Variants in MICU1 observed in about 807,000 individuals in gnomAD.
MICU1 encodes the protein mitochondrial calcium uptake 1, also known as calcium uptake protein 1, mitochondrial.
A neutral mutation model predicts 56.8 loss-of-function variants in MICU1; 45 were observed. The observed-to-expected ratio is 0.79, with a 90% CI of 0.62 to 1.02. The LOEUF is 1.02. Among genes scored for constraint, MICU1 ranks in the 50% least tolerant of loss-of-function variants. The pLI, the probability that MICU1 is intolerant of heterozygous loss-of-function variation, is 0.00. For synonymous variants in MICU1, 186 were observed against 195.1 expected, an observed-to-expected ratio of 0.95 and a Z score of 0.39; for missense variants, 504 against 587.1, an observed-to-expected ratio of 0.86 and a Z score of 1.46.
chr10:72,398,535 T>C (rs906986218), intron 10 of MICU1, among the ~76,000 whole-genome samples: 1 of 151,470 alleles, frequency 6.6e-6, no homozygotes, highest in Non-Finnish European at 1.5e-5. Flanking sequence ...ACAAAATTGA[T>C]AGACAGCTAG....
chr10:72,396,483 C>T (rs1383542918), intron 10 of MICU1, among the ~76,000 whole-genome samples: 1 of 152,190 alleles, frequency 6.6e-6, no homozygotes, highest in Non-Finnish European at 1.5e-5. Context: ...TAATAACAAA[C>T]TTCTCTGAGC....
At chr10:72,514,671 G>A (rs1867591532) in intron 5 of MICU1, among the ~76,000 whole-genome samples, 1 of 152,122 alleles carries the variant, frequency 6.6e-6, no homozygotes, top group African/African-American at 2.4e-5. Flanking sequence ...TTTTCAGACT[G>A]GCTCTGTATT....
At chr10:72,576,983 C>A (rs1840763767) in intron 1 of MICU1, among the ~76,000 whole-genome samples, 1 of 152,158 alleles carries the variant, frequency 6.6e-6, no homozygotes, top group South Asian at 2.1e-4. Context: ...TGTATATACA[C>A]CATGGAATAT....
chr10:72,617,809 G>C lies in MICU1; in HGVS notation c.-2+8201C>G, dbSNP rs1265080172. On this transcript the variant is annotated intron_variant, in intron 1 of 11. Coordinates refer to ENST00000361114, the MANE Select transcript of MICU1 (RefSeq NM_001195518.2). ...GTCACACTACTGCACTCCAGCCTGG[G>C]TGACAGCACGAGACCCCAACTCAAA... Among the ~76,000 whole-genome samples, 16 of 151,132 alleles carry C rather than the reference G, an allele frequency of 1.1e-4. No homozygotes were observed. In the East Asian group the frequency reaches 3.1e-3, roughly 30 times the overall value.
At chr10:72,570,205 A>G (rs1399081320) in intron 1 of MICU1, among the ~76,000 whole-genome samples, 1 of 152,202 alleles carries the variant, frequency 6.6e-6, no homozygotes, top group East Asian at 1.9e-4. Context: ...TTGGCCTCCC[A>G]AAGTGCTGGG....
chr10:72,369,699 TTTG>T (rs998901046), intron 11 of MICU1, among the ~76,000 whole-genome samples: 14 of 151,936 alleles, frequency 9.2e-5, no homozygotes, highest in African/African-American at 3.1e-4. Context: ...TGTTTTTTTT[TTTG>T]TTGTTGTTGT....
chr10:72,559,266 G>A (rs1840233108), intron 3 of MICU1, among the ~76,000 whole-genome samples: 2 of 152,074 alleles, frequency 1.3e-5, no homozygotes, highest in Admixed American at 6.6e-5. Flanking sequence ...TGGAAGATGG[G>A]GGAGGAAAGG....
rs117839479 is a variant in MICU1, at chr10:72,601,011, G to A, written c.-2+24999C>T. ...CAGGATGGTAATTTATCTCCTCAGG[G>A]GAAGAAGAAGTTGTGATCAGGAAAG... is the stretch of plus-strand genomic sequence containing the variant. On this transcript the variant is annotated intron_variant, in intron 1 of 11. Coordinates refer to ENST00000361114, the MANE Select transcript of MICU1 (RefSeq NM_001195518.2). Among the ~76,000 whole-genome samples, 23 of 152,252 alleles carry A rather than the reference G, an allele frequency of 1.5e-4. No individual in the cohort carries two copies. The East Asian group carries it at 4.4e-3, about 29-fold the overall frequency.
At chr10:72,434,528 A>G (rs1367849188) in intron 8 of MICU1, among the ~76,000 whole-genome samples, 1 of 152,134 alleles carries the variant, frequency 6.6e-6, no homozygotes, top group African/African-American at 2.4e-5. Context: ...GAAAAACCCT[A>G]GTCTTGTGTT....
intron 10 of MICU1, among the ~76,000 whole-genome samples, chr10:72,396,070 A>C (rs930219774): frequency 1.5e-4 from 23 of 152,188 alleles, no homozygotes; most frequent in Admixed American, 2.0e-4. Flanking sequence ...CTCTGGGAGG[A>C]CGCTTCCAGA....
At chr10:72,526,850 CA>C (rs780465769) in intron 5 of MICU1, among the ~76,000 whole-genome samples, 3 of 132,690 alleles carry the variant, frequency 2.3e-5, no homozygotes, top group Non-Finnish European at 4.6e-5. Flanking sequence ...ACTGTTTGCT[CA>C]AAAAAAAACC....
intron 8 of MICU1, among the ~76,000 whole-genome samples, chr10:72,471,432 G>T (rs1310007990): frequency 6.6e-6 from 1 of 152,146 alleles, no homozygotes; most frequent in Non-Finnish European, 1.5e-5. Flanking sequence ...ATCTCAGTAT[G>T]CAAGACAAAA....
chr10:72,587,383 C>A (rs563127050), intron 1 of MICU1, among the ~76,000 whole-genome samples: 1 of 146,262 alleles, frequency 6.8e-6, no homozygotes, highest in South Asian at 2.2e-4. Context: ...GAGAGGATTT[C>A]TTGAGCCCAG....
intron 8 of MICU1, among the ~76,000 whole-genome samples, chr10:72,428,280 G>T (rs548710782): frequency 6.6e-6 from 1 of 152,270 alleles, no homozygotes; most frequent in East Asian, 1.9e-4. Context: ...AAACTCAACT[G>T]CTAGAGCTTT....
At chr10:72,594,232 A>C (rs1841307521) in intron 1 of MICU1, among the ~76,000 whole-genome samples, 1 of 152,252 alleles carries the variant, frequency 6.6e-6, no homozygotes, top group Admixed American at 6.5e-5. Flanking sequence ...ATTTCTGACA[A>C]GAGTGTCAAG....
intron 8 of MICU1, among the ~76,000 whole-genome samples, chr10:72,463,943 T>C (rs1376431965): frequency 3.3e-5 from 5 of 152,212 alleles, no homozygotes; most frequent in African/African-American, 4.8e-5. Context: ...GCTTTTTCTA[T>C]GCTTAGATAT....
chr10:72,430,165 A>C (rs760419891), intron 8 of MICU1, among the ~76,000 whole-genome samples: 66 of 151,932 alleles, frequency 4.3e-4, no homozygotes, highest in Non-Finnish European at 8.1e-4. Context: ...TTTAACTTTA[A>C]TTTTCAGCAA....
In MICU1 at chr10:72,596,296, G is replaced by A. The variant is rs1008442921; in HGVS notation, c.-1-29502C>T. ...CGCTGAAACATTTTTTAATTAGCCA[G>A]GCATGGTAGTACATACCTGTAATCC... On this transcript the variant is annotated intron_variant, in intron 1 of 11. Coordinates refer to ENST00000361114, the MANE Select transcript of MICU1 (RefSeq NM_001195518.2). Among the ~76,000 whole-genome samples, 11 of 152,238 alleles carry A rather than the reference G, an allele frequency of 7.2e-5. 1 individual carries two copies. The South Asian group carries it at 2.3e-3, about 32-fold the overall frequency.
intron 9 of MICU1, 54 bp from the exon 10 acceptor site, chr10:72,408,091 G>T: frequency 9.2e-7 from 1 of 1,082,634 alleles, no homozygotes; most frequent in Non-Finnish European, 1.4e-6. Context: ...AAAGCAGCAC[G>T]ATATGCATAG....
Sources: gnomAD v4.1 joint callset for allele counts (sites outside exome capture counted in the v4.1 genomes callset) on GRCh38, gnomAD v4.1.1 for gene constraint, MANE v1.5 for transcripts, NCBI Gene and HGNC (gene_info 2026-07-23, HGNC 2026-07-21) for gene names.